The following CDCP1 variants were observed in gnomAD, a reference collection of about 807,000 sequenced individuals.
CDCP1 encodes the protein CUB domain containing protein 1, also known as CUB domain-containing protein 1.
Under a neutral mutation model 60.2 loss-of-function variants are expected in CDCP1, and 29 were observed. That is an observed-to-expected ratio of 0.48 (90% confidence interval 0.36 to 0.66). CDCP1 has a LOEUF of 0.66. Ranked by LOEUF, CDCP1 falls within the 30% of genes least tolerant of loss-of-function variation. The pLI, the probability that CDCP1 is intolerant of heterozygous loss-of-function variation, is 0.00. For synonymous variants in CDCP1, 387 were observed against 431.1 expected, an observed-to-expected ratio of 0.90 and a Z score of 1.27; for missense variants, 876 against 1,074.3, an observed-to-expected ratio of 0.82 and a Z score of 2.58.
intron 1 of CDCP1, among the ~76,000 whole-genome samples, chr3:45,145,639 C>G (rs1576129676): frequency 6.6e-6 from 1 of 152,182 alleles, no homozygotes; most frequent in Admixed American, 6.5e-5. Context: ...TGCACCAACG[C>G]TCTTCAACTT....
intron 1 of CDCP1, among the ~76,000 whole-genome samples, chr3:45,120,768 C>T (rs959621006): frequency 1.1e-4 from 16 of 152,212 alleles, no homozygotes; most frequent in African/African-American, 3.6e-4. Flanking sequence ...TCTTTCCCAC[C>T]TCAGGGCCTT....
chr3:45,104,036 C>A (rs1261253467), intron 4 of CDCP1, among the ~76,000 whole-genome samples: 4 of 152,222 alleles, frequency 2.6e-5, no homozygotes, highest in Admixed American at 6.5e-5. Context: ...AGTTCTGTTG[C>A]CGTCCATTCT....
intron 2 of CDCP1, among the ~76,000 whole-genome samples, chr3:45,116,661 G>A (rs555760639): frequency 6.6e-6 from 1 of 152,300 alleles, no homozygotes; most frequent in South Asian, 2.1e-4. Flanking sequence ...CCTGTCTCTA[G>A]AATGGTTTGA....
intron 4 of CDCP1, among the ~76,000 whole-genome samples, chr3:45,107,459 G>C (rs1011056791): frequency 6.6e-6 from 1 of 152,034 alleles, no homozygotes; most frequent in African/African-American, 2.4e-5. Context: ...TCCCACCTCG[G>C]CCTCTGAAAG....
At chr3:45,130,929 C>G (rs1204590593) in intron 1 of CDCP1, among the ~76,000 whole-genome samples, 1 of 152,044 alleles carries the variant, frequency 6.6e-6, no homozygotes, top group Non-Finnish European at 1.5e-5. Context: ...TGCAATGGCA[C>G]AATCACAGCT....
At chr3:45,117,209 C>T (rs1007843111) in intron 2 of CDCP1, among the ~76,000 whole-genome samples, 93 of 152,196 alleles carry the variant, frequency 6.1e-4, no homozygotes, top group African/African-American at 2.2e-3. Context: ...TTTGACATGG[C>T]CCCCTTAAAA....
At chr3:45,118,686 G>A (rs1031353093) in intron 1 of CDCP1, 65 bp from the exon 2 acceptor site, 4 of 1,319,664 alleles carry the variant, frequency 3.0e-6, no homozygotes, top group African/African-American at 2.9e-5. Context: ...TGTGGTCCCC[G>A]ACCCCAATCT....
chr3:45,105,467 G>A (rs1268922145), intron 4 of CDCP1, among the ~76,000 whole-genome samples: 1 of 152,126 alleles, frequency 6.6e-6, no homozygotes, highest in African/African-American at 2.4e-5. Context: ...ACCCAGAGTG[G>A]TTAACAAAGC....
At chr3:45,116,652 C>T (rs944860195) in intron 2 of CDCP1, among the ~76,000 whole-genome samples, 3 of 152,202 alleles carry the variant, frequency 2.0e-5, no homozygotes. Flanking sequence ...GTTTGCCAAC[C>T]TGTCTCTAGA....
In CDCP1 at chr3:45,085,916, G is replaced by A. The variant is rs776322815; in HGVS notation, c.2233C>T (p.His745Tyr). The change falls in exon 9 of 9, where the codon CAT (histidine) becomes TAT (tyrosine). Residue 745 changes from histidine to tyrosine, a missense_variant. His to Tyr is a moderately conservative substitution (Grantham distance 83). Coordinates refer to ENST00000296129, the MANE Select transcript of CDCP1 (RefSeq NM_022842.5). This position sits in a 1 kb window ranked among gnomAD's most constrained non-coding sequence, Gnocchi z 4.2. ...GAGCCGCTGGAATCCTGTAGCAGAT[G>A]CCCATATACCATGGTGTCCTCGATG... ...AVIEDTMVYG[H>Y]LLQDSSGSFL... The A allele has an allele frequency of 6.8e-6, 11 of 1,614,104 alleles. 1 individual carries two copies. In the Admixed American group the frequency reaches 1.3e-4, roughly 20 times the overall value.
intron 5 of CDCP1, among the ~76,000 whole-genome samples, chr3:45,094,072 C>T (rs781508549): frequency 5.9e-5 from 9 of 152,180 alleles, no homozygotes; most frequent in East Asian, 1.9e-4. Flanking sequence ...GATGTTAGTT[C>T]GTCTTCTGGC....
At chr3:45,144,211 C>T (rs146217201) in intron 1 of CDCP1, among the ~76,000 whole-genome samples, 7 of 152,280 alleles carry the variant, frequency 4.6e-5, no homozygotes, top group African/African-American at 1.7e-4. Context: ...ACACCAAATT[C>T]ATTTTTACTC....
intron 1 of CDCP1, among the ~76,000 whole-genome samples, chr3:45,119,664 C>G (rs1332439693): frequency 1.3e-5 from 2 of 152,070 alleles, no homozygotes; most frequent in Non-Finnish European, 2.9e-5. Flanking sequence ...CTTTTGTTTC[C>G]CATCTATTCT....
chr3:45,089,249 CCAT>C, intron 7 of CDCP1, 108 bp from the exon 8 acceptor site: 1 of 812,260 alleles, frequency 1.2e-6, no homozygotes, highest in Non-Finnish European at 2.1e-6. Flanking sequence ...AGGTGGAGCG[CCAT>C]ACATGTGGCT....
intron 1 of CDCP1, among the ~76,000 whole-genome samples, chr3:45,136,642 C>T (rs1576122260): frequency 6.6e-6 from 1 of 152,206 alleles, no homozygotes. Flanking sequence ...TCATCAACTC[C>T]TCAGTTCCTA....
intron 1 of CDCP1, among the ~76,000 whole-genome samples, chr3:45,123,628 A>G (rs886672027): frequency 2.6e-5 from 4 of 151,856 alleles, no homozygotes; most frequent in African/African-American, 9.7e-5. Flanking sequence ...TGAAATGTGG[A>G]CTCTCTCCTG....
intron 5 of CDCP1, among the ~76,000 whole-genome samples, chr3:45,095,069 G>C (rs1338656974): frequency 6.6e-6 from 1 of 152,018 alleles, no homozygotes; most frequent in Non-Finnish European, 1.5e-5. Flanking sequence ...GAGCAGCTGA[G>C]ATTATAGGCG....
chr3:45,092,454 C>G (rs1019862960), intron 6 of CDCP1, among the ~76,000 whole-genome samples: 2 of 152,222 alleles, frequency 1.3e-5, no homozygotes, highest in Non-Finnish European at 1.5e-5. Context: ...GAGATAAAAC[C>G]CACACATTCC....
intron 4 of CDCP1, among the ~76,000 whole-genome samples, chr3:45,108,943 A>T (rs1698635248): frequency 2.2e-5 from 1 of 46,260 alleles, no homozygotes; most frequent in African/African-American, 8.6e-5. Context: ...ATACATATAT[A>T]TATATATATA....
Sources: gnomAD v4.1 joint callset for allele counts (sites outside exome capture counted in the v4.1 genomes callset) on GRCh38, gnomAD v4.1.1 for gene constraint, Gnocchi (gnomAD v3.1) non-coding constraint, MANE v1.5 for transcripts, NCBI Gene and HGNC (gene_info 2026-07-23, HGNC 2026-07-21) for gene names.